Variants in CHN2 observed in about 807,000 individuals in gnomAD.
The protein encoded by CHN2 is beta-chimaerin.
CHN2 carries 35 observed loss-of-function variants against 56.3 expected under a neutral mutation model. That is an observed-to-expected ratio of 0.62 (90% confidence interval 0.47 to 0.82). The LOEUF is 0.82. Among genes scored for constraint, CHN2 ranks in the 40% least tolerant of loss-of-function variants. The pLI is 0.00. For missense variants in CHN2, 491 were observed against 580.5 expected, an observed-to-expected ratio of 0.85 and a Z score of 1.58; for synonymous variants, 210 against 212.8, an observed-to-expected ratio of 0.99 and a Z score of 0.12.
At chr7:29,213,991 A>G (rs1012208238) in intron 1 of CHN2, among the ~76,000 whole-genome samples, 1 of 152,192 alleles carries the variant, frequency 6.6e-6, no homozygotes, top group Non-Finnish European at 1.5e-5. Flanking sequence ...CATTAGTCTC[A>G]GAAGGGAAAC....
intron 1 of CHN2, among the ~76,000 whole-genome samples, chr7:29,272,048 G>A (rs1224689975): frequency 1.3e-5 from 2 of 152,136 alleles, no homozygotes; most frequent in Non-Finnish European, 1.5e-5. Context: ...GGGCTTCCAA[G>A]GTCCGTGGAA....
chr7:29,327,389 C>T (rs1343550433), intron 1 of CHN2, among the ~76,000 whole-genome samples: 1 of 152,188 alleles, frequency 6.6e-6, no homozygotes, highest in African/African-American at 2.4e-5. Flanking sequence ...TATTGAGGGC[C>T]ATTGCTGTGG....
intron 1 of CHN2, among the ~76,000 whole-genome samples, chr7:29,339,493 C>T (rs1796875439): frequency 6.6e-6 from 1 of 152,070 alleles, no homozygotes; most frequent in Non-Finnish European, 1.5e-5. Context: ...TCATAGTATT[C>T]CACAGCAGAT....
intron 6 of CHN2, among the ~76,000 whole-genome samples, chr7:29,467,189 C>T (rs569718380): frequency 2.1e-4 from 32 of 152,182 alleles, no homozygotes; most frequent in African/African-American, 7.5e-4. Flanking sequence ...TGCTATAAAC[C>T]ATCTCCTTAG....
chr7:29,451,160 A>G (rs1784377625), intron 6 of CHN2, among the ~76,000 whole-genome samples: 1 of 152,176 alleles, frequency 6.6e-6, no homozygotes, highest in Non-Finnish European at 1.5e-5. Flanking sequence ...TTAGCCACAC[A>G]AGTAAGAACA....
chr7:29,446,424 A>C (rs1027781841), intron 6 of CHN2, among the ~76,000 whole-genome samples: 1 of 152,178 alleles, frequency 6.6e-6, no homozygotes, highest in Non-Finnish European at 1.5e-5. Context: ...TATATCTCAA[A>C]AGTGTTTCAG....
At chr7:29,443,126 G>A (rs1007978922) in intron 6 of CHN2, among the ~76,000 whole-genome samples, 2 of 151,068 alleles carry the variant, frequency 1.3e-5, no homozygotes, top group Non-Finnish European at 2.9e-5. Context: ...ATTTTTAGTA[G>A]AGACGGGGTT....
At chr7:29,371,774 C>T (rs1026871553) in intron 3 of CHN2, among the ~76,000 whole-genome samples, 29 of 152,306 alleles carry the variant, frequency 1.9e-4, no homozygotes, top group Middle Eastern at 3.4e-3. Flanking sequence ...GAAACCTGTA[C>T]TTCTCCCTTC....
intron 1 of CHN2, among the ~76,000 whole-genome samples, chr7:29,340,974 C>T (rs536387028): frequency 1.6e-3 from 247 of 152,230 alleles, no homozygotes; most frequent in Non-Finnish European, 2.9e-3. Context: ...GAATTGAAGG[C>T]GTCCTTGAGC....
intron 3 of CHN2, among the ~76,000 whole-genome samples, chr7:29,379,790 A>G (rs1442244628): frequency 6.6e-6 from 1 of 152,170 alleles, no homozygotes. Flanking sequence ...GAGCTGTCGA[A>G]AACACTATAA....
At chr7:29,252,574 C>CTTTTTTTTTTTTTTT (rs150230689) in intron 1 of CHN2, among the ~76,000 whole-genome samples, 2 of 19,284 alleles carry the variant, frequency 1.0e-4, no homozygotes, top group Non-Finnish European at 1.9e-4. Context: ...AAATTGCATT[C>CTTTTTTTTTTTTTTT]TTTGTTTTTT....
At chr7:29,317,770 C>A (rs1331255027) in intron 1 of CHN2, among the ~76,000 whole-genome samples, 1 of 152,116 alleles carries the variant, frequency 6.6e-6, no homozygotes, top group Non-Finnish European at 1.5e-5. Context: ...AGGTGGATCA[C>A]CTGAGCTCAG....
chr7:29,420,207 T>C (rs932395724), intron 6 of CHN2, among the ~76,000 whole-genome samples: 1 of 151,826 alleles, frequency 6.6e-6, no homozygotes, highest in African/African-American at 2.4e-5. Flanking sequence ...TGGAAAACAA[T>C]ATGGCAGTTC....
At chr7:29,148,689 C>T (rs1242391093) in intron 2 of CHN2, 2 of 152,098 alleles carry the variant, frequency 1.3e-5, no homozygotes, top group East Asian at 1.9e-4. Flanking sequence ...TCGGATTTGT[C>T]GTGTGTCAGG....
At chr7:29,462,344 A>T (rs1393567388) in intron 6 of CHN2, among the ~76,000 whole-genome samples, 1 of 152,224 alleles carries the variant, frequency 6.6e-6, no homozygotes, top group Non-Finnish European at 1.5e-5. Flanking sequence ...AGTAGTATAA[A>T]ATATCCATTG....
intron 2 of CHN2, among the ~76,000 whole-genome samples, chr7:29,183,081 CT>C (rs34942216): frequency 0.11 from 14,638 of 131,736 alleles, 572 homozygotes; most frequent in African/African-American, 0.16. Context: ...ACATGGCAGA[CT>C]TTTTTTTTTT....
At chr7:29,264,340 A>G (rs1006816116) in intron 1 of CHN2, among the ~76,000 whole-genome samples, 1 of 152,266 alleles carries the variant, frequency 6.6e-6, no homozygotes, top group Non-Finnish European at 1.5e-5. Flanking sequence ...AGAGCGGGCC[A>G]TGATGACAAT....
chr7:29,308,561 C>T (rs930474743), intron 1 of CHN2, among the ~76,000 whole-genome samples: 1 of 152,172 alleles, frequency 6.6e-6, no homozygotes, highest in African/African-American at 2.4e-5. Flanking sequence ...TCCCCCGGTG[C>T]CTTCTCGGAA....
intron 6 of CHN2, among the ~76,000 whole-genome samples, chr7:29,406,981 C>A (rs1802707277): frequency 6.6e-6 from 1 of 152,144 alleles, no homozygotes; most frequent in African/African-American, 2.4e-5. Context: ...CCACATTCAC[C>A]CTAAGGAACA....
Sources: gnomAD v4.1 joint callset for allele counts (sites outside exome capture counted in the v4.1 genomes callset) on GRCh38, gnomAD v4.1.1 for gene constraint, MANE v1.5 for transcripts, NCBI Gene and HGNC (gene_info 2026-07-23, HGNC 2026-07-21) for gene names.